The following TCF7L1 variants were observed in gnomAD, a reference collection of about 807,000 sequenced individuals.
The protein encoded by TCF7L1 is transcription factor 7-like 1.
A neutral mutation model predicts 63.7 loss-of-function variants in TCF7L1; 18 were observed. The ratio of observed to expected loss-of-function variants is 0.28; its 90% CI spans 0.20 to 0.42. The LOEUF (loss-of-function observed/expected upper bound fraction) is 0.42, where lower values mean the gene tolerates loss of function less well. Among genes scored for constraint, TCF7L1 ranks in the 10% least tolerant of loss-of-function variants. TCF7L1 has a pLI of 1.00. For synonymous variants in TCF7L1, 355 were observed against 340.9 expected, an observed-to-expected ratio of 1.04 and a Z score of -0.46; for missense variants, 654 against 779.3, an observed-to-expected ratio of 0.84 and a Z score of 1.91.
At chr2:85,169,819 G>A (rs145038925) in intron 3 of TCF7L1, among the ~76,000 whole-genome samples, 1,574 of 152,274 alleles carry the variant, frequency 0.01, 34 homozygotes, top group African/African-American at 0.036. Flanking sequence ...TGGCAGACTC[G>A]TCCAGCACAG....
chr2:85,307,703 T>A lies in TCF7L1; in HGVS notation c.1319T>A (p.Val440Asp). 6.2e-7 allele frequency: 1 copy of A among 1,613,672 alleles called. No individual in the cohort carries two copies. Among genetic ancestry groups the A allele is most frequent in the African/African-American group, 1.3e-5 (1 of 75,040 alleles). Residue 440 changes from valine to aspartate, a missense_variant, in exon 11 of 12, where the codon GTC becomes GAC. By Grantham distance (152) the Val-to-Asp change is radical. Around this residue, in one of 3 missense-constraint regions of TCF7L1, gnomAD observed 184 missense variants for 204.0 expected, o/e 0.90. Coordinates refer to ENST00000282111, the MANE Select transcript of TCF7L1 (RefSeq NM_031283.3). ...TCCCAGACACAGTCACAGCAGCAAGTCCAGGAGGCAGAGGGTGCGTCTCGG... is the reference window on the plus strand; with the variant it reads ...TCCCAGACACAGTCACAGCAGCAAGACCAGGAGGCAGAGGGTGCGTCTCGG... Reference protein sequence around the residue: ...QLSQTQSQQQVQEAEGALASK... With the variant: ...QLSQTQSQQQDQEAEGALASK...
At chr2:85,184,815 A>C (rs1678878890) in intron 3 of TCF7L1, among the ~76,000 whole-genome samples, 1 of 152,046 alleles carries the variant, frequency 6.6e-6, no homozygotes, top group South Asian at 2.1e-4. Flanking sequence ...CCTCTCTTCT[A>C]CCTGGGCTAG....
intron 3 of TCF7L1, chr2:85,262,187 T>C: frequency 3.6e-6 from 2 of 548,322 alleles, no homozygotes; most frequent in Admixed American, 3.8e-5. Flanking sequence ...TACAGCCTTC[T>C]GTCCGCATAT....
intron 3 of TCF7L1, among the ~76,000 whole-genome samples, chr2:85,245,281 G>C (rs2104329308): frequency 6.6e-6 from 1 of 152,346 alleles, no homozygotes; most frequent in East Asian, 1.9e-4. Flanking sequence ...ATGGGGTGAA[G>C]CTGACTATGG....
intron 3 of TCF7L1, among the ~76,000 whole-genome samples, chr2:85,154,040 G>A (rs1466708095): frequency 1.3e-5 from 2 of 151,962 alleles, no homozygotes; most frequent in African/African-American, 4.8e-5. Context: ...TTCTCAATTC[G>A]TCCCAGAATT....
At chr2:85,150,971 C>T (rs546072280) in intron 3 of TCF7L1, among the ~76,000 whole-genome samples, 1 of 152,154 alleles carries the variant, frequency 6.6e-6, no homozygotes, top group Non-Finnish European at 1.5e-5. Context: ...ATAATTTTTT[C>T]AGTTGCTAGA....
intron 4 of TCF7L1, among the ~76,000 whole-genome samples, chr2:85,284,720 G>A (rs1380034073): frequency 6.6e-6 from 1 of 152,196 alleles, no homozygotes; most frequent in Admixed American, 6.5e-5. Context: ...TTACAGACGA[G>A]CAGACATAGG....
intron 4 of TCF7L1, among the ~76,000 whole-genome samples, chr2:85,284,747 C>T (rs372837185): frequency 1.6e-4 from 25 of 152,216 alleles, no homozygotes; most frequent in African/African-American, 5.5e-4. Context: ...CTGTTACTGC[C>T]CTGTACTAGG....
intron 11 of TCF7L1, among the ~76,000 whole-genome samples, 164 bp from the exon 12 acceptor site, chr2:85,308,865 T>C (rs1682207023): frequency 6.6e-6 from 1 of 152,056 alleles, no homozygotes; most frequent in Non-Finnish European, 1.5e-5. Flanking sequence ...GCTCTGGGTA[T>C]TTGTGAATGC....
At chr2:85,179,890 G>GA (rs975877244) in intron 3 of TCF7L1, among the ~76,000 whole-genome samples, 104 of 150,882 alleles carry the variant, frequency 6.9e-4, no homozygotes, top group Non-Finnish European at 6.7e-4. Flanking sequence ...GTTGCTGAAT[G>GA]AAAAAAAAAG....
intron 3 of TCF7L1, among the ~76,000 whole-genome samples, chr2:85,257,795 G>C (rs1364137245): frequency 6.6e-6 from 1 of 152,202 alleles, no homozygotes; most frequent in Non-Finnish European, 1.5e-5. Context: ...CCCGGAATCA[G>C]GACCCTGGAT....
intron 3 of TCF7L1, among the ~76,000 whole-genome samples, chr2:85,201,958 TTTA>T (rs762247612): frequency 2.9e-5 from 3 of 103,730 alleles, no homozygotes; most frequent in Admixed American, 1.8e-4. Context: ...TATTTATTTA[TTTA>T]TTTATTTTAT....
intron 3 of TCF7L1, among the ~76,000 whole-genome samples, chr2:85,171,848 G>A (rs755974016): frequency 7.2e-5 from 11 of 152,196 alleles, no homozygotes; most frequent in African/African-American, 1.4e-4. Flanking sequence ...AGAGTTTACC[G>A]TGTACATGTC....
At position 85,231,671 on chromosome 2, in the gene TCF7L1, T is replaced by A. The variant is rs182621533; in HGVS notation, c.442-51824T>A. ...AGCAGCTTCGTTTTTCCGGCACCCA[T>A]GTTGTAAAATCGACTCCCCCAAAAG... On this transcript the variant is annotated intron_variant, in intron 3 of 11. Transcript: ENST00000282111. 1.2e-3 allele frequency among the ~76,000 whole-genome samples: 179 copies of A among 152,210 alleles called. 1 individual carries two copies. Among genetic ancestry groups the A allele is most frequent in the Non-Finnish European group, 2.1e-3 (146 of 67,992 alleles).
intron 3 of TCF7L1, among the ~76,000 whole-genome samples, chr2:85,161,852 C>T (rs892394806): frequency 5.3e-5 from 8 of 151,866 alleles, no homozygotes; most frequent in African/African-American, 1.5e-4. Context: ...CTGGGTCTTT[C>T]GAGGCAGAGC....
intron 3 of TCF7L1, among the ~76,000 whole-genome samples, chr2:85,222,928 C>T (rs369874831): frequency 1.3e-5 from 2 of 152,096 alleles, no homozygotes; most frequent in South Asian, 2.1e-4. Context: ...GGCTCTGTTT[C>T]GAAATAGTCT....
chr2:85,146,952 A>T (rs537026739), intron 3 of TCF7L1, among the ~76,000 whole-genome samples: 2 of 151,976 alleles, frequency 1.3e-5, no homozygotes, highest in African/African-American at 4.8e-5. Flanking sequence ...GTGCAGCTCT[A>T]TTGATTCTGT....
intron 3 of TCF7L1, among the ~76,000 whole-genome samples, chr2:85,197,821 T>G (rs933508729): frequency 3.3e-5 from 5 of 152,120 alleles, no homozygotes. Context: ...TTGTGCAGAG[T>G]GGCCAGGGTT....
At chr2:85,252,453 C>CTGACCCAAGCCTCGGTG (rs996967719) in intron 3 of TCF7L1, among the ~76,000 whole-genome samples, 4 of 152,158 alleles carry the variant, frequency 2.6e-5, no homozygotes, top group African/African-American at 9.7e-5. Flanking sequence ...CTCTACTACC[C>CTGACCCAAGCCTCGGTG]TGACCCAAGC....
Sources: allele counts gnomAD v4.1 joint callset (sites outside exome capture counted in the v4.1 genomes callset), GRCh38; gene constraint gnomAD v4.1.1; regional missense constraint gnomAD v4.1.1; transcripts MANE v1.5; gene names NCBI Gene and HGNC (gene_info 2026-07-23, HGNC 2026-07-21).